Variants in KMT2C observed in about 807,000 individuals in gnomAD.
KMT2C encodes the protein histone-lysine N-methyltransferase 2C.
In KMT2C, 88 loss-of-function variants were observed where a neutral mutation model predicts 507.9. The observed-to-expected ratio is 0.17, with a 90% confidence interval of 0.15 to 0.21. The LOEUF (loss-of-function observed/expected upper bound fraction) is 0.21, where lower values mean the gene tolerates loss of function less well. Among genes scored for constraint, KMT2C ranks in the 10% least tolerant of loss-of-function variants. The pLI is 1.00. For missense variants in KMT2C, 4,954 were observed against 5,957.8 expected, an observed-to-expected ratio of 0.83 and a Z score of 5.55; for synonymous variants, 2,049 against 2,080.8, an observed-to-expected ratio of 0.98 and a Z score of 0.42.
At chr7:152,204,780 C>T (rs1295062426) in intron 25 of KMT2C, among the ~76,000 whole-genome samples, 5 of 151,930 alleles carry the variant, frequency 3.3e-5, no homozygotes, top group African/African-American at 4.8e-5. Context: ...TATTCAGTCC[C>T]TAAACCATTT....
Position 152,187,494 on chromosome 7 carries a change from TCTTTA to T in KMT2C, c.4794-23_4794-19del, listed in dbSNP as rs763538198. 5 of 1,591,308 alleles carry T rather than the reference TCTTTA, an allele frequency of 3.1e-6. No homozygotes were observed. The highest frequency in any genetic ancestry group is 1.3e-5 in the African/African-American group (1 of 74,340). On this transcript the variant is annotated intron_variant, in intron 32 of 58. Coordinates refer to ENST00000262189, the MANE Select transcript of KMT2C (RefSeq NM_170606.3). ...TTTTATCCCTGGGAAAAAATAAATA[TCTTTA>T]CTTTATGAACATAAAATAACTTCTT...
intron 23 of KMT2C, among the ~76,000 whole-genome samples, chr7:152,211,900 T>G (rs2094462994): frequency 6.6e-6 from 1 of 151,992 alleles, no homozygotes. Flanking sequence ...TACAAAAAAT[T>G]AGCCGGGCGT....
rs1236634831 is a variant in KMT2C, at chr7:152,219,933, G to GCAGA, written c.3712+586_3712+589dup. ...TAGGAGGGTCGCATGAACCCAGGAG[G>GCAGA]CAGAGGTTGTAGTAAGCCAAGATCG... is the stretch of plus-strand genomic sequence containing the variant. On this transcript the variant is annotated intron_variant, in intron 23 of 58. Coordinates refer to ENST00000262189, the MANE Select transcript of KMT2C (RefSeq NM_170606.3). The GCAGA allele has an allele frequency of 3.9e-5, 6 of 152,584 alleles. No homozygotes were observed. The East Asian group carries it at 1.2e-3, about 29-fold the overall frequency. The allele number at this position is 152,584 out of a possible 1,614,324, so 9.5% of individuals were successfully genotyped here.
At chr7:152,228,067 T>C (rs1382118215) in intron 18 of KMT2C, among the ~76,000 whole-genome samples, 2 of 152,258 alleles carry the variant, frequency 1.3e-5, no homozygotes, top group Non-Finnish European at 2.9e-5. Context: ...CTTTTTTCAC[T>C]TTAATTCATT....
Position 152,158,975 on chromosome 7 carries a change from C to T in KMT2C, c.11558G>A (p.Arg3853Gln), listed in dbSNP as rs751794784. Residue 3853 changes from arginine (R) to glutamine (Q), a missense_variant, in exon 44 of 59, where the codon CGG becomes CAG. Physicochemically the swap from Arg to Gln is conservative, Grantham distance 43. Coordinates refer to ENST00000262189, the MANE Select transcript of KMT2C (RefSeq NM_170606.3). ...TGCTTTCTCACCCGTCCTCTGAGTC[C>T]GTTTGCTTCGCTGTTTCTTGGTTTC... ...GSETKKQRSK[R>Q]TQRTGEKAAP... The T allele has an allele frequency of 1.4e-5, 22 of 1,614,032 alleles. No homozygotes were observed. The highest frequency in any genetic ancestry group is 1.1e-5 in the South Asian group (1 of 91,080).
At position 152,367,032 on chromosome 7, in the gene KMT2C, G is replaced by T. The variant is rs1589493881; in HGVS notation, c.162-8357C>A. The T allele has an allele frequency of 1.8e-5, 11 of 612,916 alleles. No homozygotes were observed. In the East Asian group the frequency reaches 3.2e-4, roughly 18 times the overall value. The allele number at this position is 612,916 out of a possible 1,614,324, so 38.0% of individuals were successfully genotyped here. On this transcript the variant is annotated intron_variant, in intron 1 of 58. Coordinates refer to ENST00000262189, the MANE Select transcript of KMT2C (RefSeq NM_170606.3). ...CACCTGAGCCTGGGCTCTTGCTCTT[G>T]CGGAATCCACAGGTCTTTCTTGAAG...
intron 1 of KMT2C, among the ~76,000 whole-genome samples, chr7:152,384,689 A>G (rs1479058655): frequency 1.3e-5 from 2 of 152,356 alleles, no homozygotes; most frequent in East Asian, 3.9e-4. Context: ...ACTGTCCTAT[A>G]CAGTAACAGA....
In KMT2C at chr7:152,183,170, AG is replaced by A. The variant is rs776243976; in HGVS notation, c.5083-15del. 1.3e-6 allele frequency: 2 copies of A among 1,513,932 alleles called. No homozygotes were observed. Among genetic ancestry groups the A allele is most frequent in the South Asian group, 2.6e-5 (2 of 75,582 alleles). 93.8% of individuals were successfully genotyped at this position (1,513,932 alleles called of 1,614,324 possible). On this transcript the variant is annotated splice_polypyrimidine_tract_variant and intron_variant, in intron 34 of 58. Transcript: ENST00000262189. ...TCTGGCTTTTTGCTTTGACAAAAGAAGAGAAAAAAATTTCCCAGATTATGTT... is the reference window on the plus strand; with the variant it reads ...TCTGGCTTTTTGCTTTGACAAAAGAAAGAAAAAAATTTCCCAGATTATGTT...
At chr7:152,214,519 T>C (rs1210751672) in intron 23 of KMT2C, among the ~76,000 whole-genome samples, 1 of 151,808 alleles carries the variant, frequency 6.6e-6, no homozygotes, top group Non-Finnish European at 1.5e-5. Context: ...TAATGCAAAA[T>C]GAAAAAAAAA....
Position 152,138,696 on chromosome 7 carries a change from C to A in KMT2C, c.14643+100G>T. The stretch of plus-strand genomic sequence containing the variant: ...ATTATGGACAGAGTTTTTATCACAA[C>A]AAAGAATTGGGAAACAAGTGAGTAA... On this transcript the variant is annotated intron_variant, in intron 58 of 58. Coordinates refer to ENST00000262189, the MANE Select transcript of KMT2C (RefSeq NM_170606.3). This position sits in a 1 kb window ranked among gnomAD's most constrained non-coding sequence, Gnocchi z 4.2. 2.5e-6 allele frequency: 2 copies of A among 785,458 alleles called. No homozygotes were observed. Among genetic ancestry groups the A allele is most frequent in the Non-Finnish European group, 4.2e-6 (2 of 473,146 alleles). 48.7% of individuals were successfully genotyped at this position (785,458 alleles called of 1,614,324 possible). A position where few individuals can be genotyped will look rare whatever the true frequency, so the allele number is the denominator to read the frequency against.
intron 14 of KMT2C, among the ~76,000 whole-genome samples, chr7:152,243,596 A>C (rs960725986): frequency 2.0e-5 from 3 of 152,124 alleles, no homozygotes; most frequent in Admixed American, 6.5e-5. Context: ...AGCCTAACCA[A>C]TATGGCGAAA....
In KMT2C at chr7:152,180,721, T is replaced by C; in HGVS notation, c.7139A>G (p.Lys2380Arg). The C allele has an allele frequency of 6.2e-7, 1 of 1,609,470 alleles. No individual in the cohort carries two copies. Among genetic ancestry groups the C allele is most frequent in the Non-Finnish European group, 8.5e-7 (1 of 1,177,508 alleles). Residue 2380 changes from lysine (K) to arginine (R), a missense_variant, in exon 36 of 59, where the codon AAA becomes AGA. By Grantham distance (26) the Lys-to-Arg change is conservative. This residue lies in a region of KMT2C where 1,689 missense variants were observed against 1,654.3 expected (regional missense o/e 1.02). Coordinates refer to ENST00000262189, the MANE Select transcript of KMT2C (RefSeq NM_170606.3). ...ATACAATGTGTTTACCTGTCTCAATTTCTCTGTATCTGCTTGGGCCATATT... is the reference window on the plus strand; with the variant it reads ...ATACAATGTGTTTACCTGTCTCAATCTCTCTGTATCTGCTTGGGCCATATT... ...TVNMAQADTE[K>R]LRQRQKLREI...
chr7:152,285,616 A>G (rs2096283054), intron 6 of KMT2C, among the ~76,000 whole-genome samples: 1 of 152,258 alleles, frequency 6.6e-6, no homozygotes, highest in Non-Finnish European at 1.5e-5. Flanking sequence ...GTAAATAACC[A>G]AAAACTGGCT....
At chr7:152,263,524 A>G (rs2095814353) in intron 8 of KMT2C, among the ~76,000 whole-genome samples, 2 of 152,230 alleles carry the variant, frequency 1.3e-5, no homozygotes, top group East Asian at 1.9e-4. Context: ...TAACGTAAAG[A>G]GGATCAAATT....
At position 152,135,898 on chromosome 7, in the gene KMT2C, T is replaced by A. The variant is rs1587555729; in HGVS notation, c.*934A>T. Reference sequence around the variant, plus strand: ...GCGGTTTCCAAAAAACCCCCAACACTCTAGGTTGAAATTTTGGTTATTACA... The same window carrying A: ...GCGGTTTCCAAAAAACCCCCAACACACTAGGTTGAAATTTTGGTTATTACA... On this transcript the variant is annotated 3_prime_UTR_variant, in exon 59 of 59. Coordinates refer to ENST00000262189, the MANE Select transcript of KMT2C (RefSeq NM_170606.3). The A allele has an allele frequency of 4.3e-6, 1 of 231,446 alleles. No homozygotes were observed. Among genetic ancestry groups the A allele is most frequent in the Non-Finnish European group, 8.6e-6 (1 of 116,698 alleles). The allele number at this position is 231,446 out of a possible 1,614,324, so 14.3% of individuals were successfully genotyped here. A position where few individuals can be genotyped will look rare whatever the true frequency, so the allele number is the denominator to read the frequency against.
rs548983463 is a variant in KMT2C at position 152,364,623 on chromosome 7, A to C, written c.162-5948T>G. Among the ~76,000 whole-genome samples, 444 of 151,686 alleles carry C rather than the reference A, an allele frequency of 2.9e-3. 8 individuals carry two copies. Among genetic ancestry groups the C allele is most frequent in the South Asian group, 0.017 (80 of 4,818 alleles). ...GACTCCGTCTCCAAAAAAAAAAAGA[A>C]AAGAAAAAAAGAAAAAAATGCAAAT... On this transcript the variant is annotated intron_variant, in intron 1 of 58. Coordinates refer to ENST00000262189, the MANE Select transcript of KMT2C (RefSeq NM_170606.3).
At chr7:152,217,066 C>T (rs1458857799) in intron 23 of KMT2C, among the ~76,000 whole-genome samples, 1 of 152,180 alleles carries the variant, frequency 6.6e-6, no homozygotes, top group Non-Finnish European at 1.5e-5. Flanking sequence ...TAGGTTTCAT[C>T]ATTGCCCACT....
rs751973070 is a variant in KMT2C, at chr7:152,194,148, T to G, written c.4541-20A>C. 6.4e-7 allele frequency: 1 copy of G among 1,565,772 alleles called. No individual in the cohort carries two copies. The highest frequency in any genetic ancestry group is 1.4e-5 in the African/African-American group (1 of 72,102). Reference sequence around the variant, plus strand: ...CAAGCTCTAGGAGATAAAACAATAATAGTAACAAGATTAAAAGACTAGTAG... The same window carrying G: ...CAAGCTCTAGGAGATAAAACAATAAGAGTAACAAGATTAAAAGACTAGTAG... On this transcript the variant is annotated intron_variant, in intron 30 of 58. Transcript: ENST00000262189.
chr7:152,398,749 A>G (rs906925225), intron 1 of KMT2C, among the ~76,000 whole-genome samples: 1 of 151,954 alleles, frequency 6.6e-6, no homozygotes, highest in African/African-American at 2.4e-5. Context: ...TTTTTACCAG[A>G]ATGTATTACA....
Sources: gnomAD v4.1 joint callset for allele counts (sites outside exome capture counted in the v4.1 genomes callset) on GRCh38, gnomAD v4.1.1 for gene constraint, gnomAD v4.1.1 regional missense constraint, Gnocchi (gnomAD v3.1) non-coding constraint, MANE v1.5 for transcripts, NCBI Gene and HGNC (gene_info 2026-07-23, HGNC 2026-07-21) for gene names.